The following B3GALT1 variants were observed in gnomAD, a reference collection of about 807,000 sequenced individuals.
B3GALT1 encodes UDP-Gal:betaGlcNAc beta 1,3-galactosyltransferase, polypeptide 1.
Under a neutral mutation model 23.2 loss-of-function variants are expected in B3GALT1, and 10 were observed. That is an observed-to-expected ratio of 0.43 (90% CI 0.27 to 0.73). B3GALT1 has a LOEUF of 0.73. B3GALT1 is among the 30% of genes least tolerant of loss of function. B3GALT1 has a pLI of 0.21. For synonymous variants in B3GALT1, 156 were observed against 141.5 expected, an observed-to-expected ratio of 1.10 and a Z score of -0.73; for missense variants, 299 against 405.4, an observed-to-expected ratio of 0.74 and a Z score of 2.25.
At chr2:167,492,551 A>G (rs1699725014) in intron 2 of B3GALT1, among the ~76,000 whole-genome samples, 1 of 152,208 alleles carries the variant, frequency 6.6e-6, no homozygotes, top group African/African-American at 2.4e-5. Flanking sequence ...AGGAACTGCC[A>G]AACTGTATTT....
At chr2:167,828,893 C>T (rs2105376206) in intron 4 of B3GALT1, among the ~76,000 whole-genome samples, 1 of 152,280 alleles carries the variant, frequency 6.6e-6, no homozygotes, top group Non-Finnish European at 1.5e-5. Flanking sequence ...TGTCCTGTCT[C>T]TAAAATTATC....
chr2:167,766,709 A>T (rs577966043), intron 3 of B3GALT1, among the ~76,000 whole-genome samples: 3 of 152,300 alleles, frequency 2.0e-5, no homozygotes, highest in Non-Finnish European at 4.4e-5. Flanking sequence ...CCCTTGTTTG[A>T]TGAGAGGAAT....
chr2:167,441,594 C>G (rs563932158), intron 1 of B3GALT1, among the ~76,000 whole-genome samples: 2 of 152,164 alleles, frequency 1.3e-5, no homozygotes, highest in Admixed American at 1.3e-4. Flanking sequence ...TGATAGCACT[C>G]TTCCTTAACC....
intron 2 of B3GALT1, among the ~76,000 whole-genome samples, chr2:167,600,790 A>G (rs1472463726): frequency 6.6e-6 from 1 of 152,194 alleles, no homozygotes; most frequent in Non-Finnish European, 1.5e-5. Flanking sequence ...TTGTTGGTTC[A>G]TTCATTAGTT....
chr2:167,514,484 T>C (rs113241840), intron 2 of B3GALT1, among the ~76,000 whole-genome samples: 25 of 152,274 alleles, frequency 1.6e-4, no homozygotes, highest in African/African-American at 5.8e-4. Context: ...CTCCCTTTAA[T>C]GTCCCCCATT....
intron 3 of B3GALT1, among the ~76,000 whole-genome samples, chr2:167,808,203 C>T (rs1426509224): frequency 1.3e-5 from 2 of 150,520 alleles, no homozygotes; most frequent in Non-Finnish European, 3.0e-5. Flanking sequence ...TGTCTCTGCA[C>T]GTGAGATGGG....
At chr2:167,704,015 A>C (rs1686928105) in intron 3 of B3GALT1, among the ~76,000 whole-genome samples, 1 of 151,952 alleles carries the variant, frequency 6.6e-6, no homozygotes. Flanking sequence ...CCCCGTCTCT[A>C]CTAAAAATAC....
intron 2 of B3GALT1, among the ~76,000 whole-genome samples, chr2:167,578,190 A>G (rs576691633): frequency 3.9e-5 from 6 of 151,952 alleles, no homozygotes; most frequent in Non-Finnish European, 8.8e-5. Context: ...TGAGTTCTGG[A>G]AAGGGCCATT....
At position 167,834,682 on chromosome 2, in the gene B3GALT1, C is replaced by T. The variant is rs545772789; in HGVS notation, c.-230+15889C>T. 1.8e-4 allele frequency among the ~76,000 whole-genome samples: 28 copies of T among 152,232 alleles called. No individual in the cohort carries two copies. The South Asian group carries it at 3.5e-3, about 19-fold the overall frequency. ...TGGCCAATATGGCAAAACCCCATCT[C>T]CACTAAAAATACAAAAGTTGGCTGG... On this transcript the variant is annotated intron_variant, in intron 4 of 4. Transcript: ENST00000392690.
intron 1 of B3GALT1, among the ~76,000 whole-genome samples, chr2:167,355,815 C>T (rs571006091): frequency 5.3e-5 from 8 of 152,068 alleles, no homozygotes; most frequent in Non-Finnish European, 7.4e-5. Flanking sequence ...ACCAAATATC[C>T]GTAATGGACA....
chr2:167,360,666 A>G (rs773913739), intron 1 of B3GALT1, among the ~76,000 whole-genome samples: 5 of 152,202 alleles, frequency 3.3e-5, no homozygotes, highest in African/African-American at 1.2e-4. Context: ...CCTGTATACA[A>G]TATGTAATGA....
chr2:167,727,761 G>C (rs750812197), intron 3 of B3GALT1, among the ~76,000 whole-genome samples: 1 of 151,964 alleles, frequency 6.6e-6, no homozygotes, highest in African/African-American at 2.4e-5. Flanking sequence ...TCTTACATTC[G>C]GGGTTGATAT....
At chr2:167,597,264 A>C (rs572295288) in intron 2 of B3GALT1, among the ~76,000 whole-genome samples, 24 of 151,802 alleles carry the variant, frequency 1.6e-4, no homozygotes, top group East Asian at 3.9e-4. Flanking sequence ...TACAGGCGCC[A>C]GCCACCATGC....
Position 167,565,332 on chromosome 2 carries a change from C to T in B3GALT1, c.-410+75055C>T, listed in dbSNP as rs1368458712. ...TAGAAAGCTGAAACTGGATCCCTTC[C>T]TTACACCTTATGCAAAAATCAATTC... On this transcript the variant is annotated intron_variant, in intron 2 of 4. Coordinates refer to ENST00000392690, the MANE Select transcript of B3GALT1 (RefSeq NM_020981.4). Among the ~76,000 whole-genome samples, 4 of 152,188 alleles carry T rather than the reference C, an allele frequency of 2.6e-5. No individual in the cohort carries two copies. The East Asian group carries it at 7.7e-4, about 29-fold the overall frequency.
chr2:167,488,740 T>G (rs1699660906), intron 1 of B3GALT1, among the ~76,000 whole-genome samples: 1 of 152,342 alleles, frequency 6.6e-6, no homozygotes, highest in Admixed American at 6.5e-5. Flanking sequence ...TCCCTCTTGC[T>G]ACATTTCTGT....
intron 3 of B3GALT1, among the ~76,000 whole-genome samples, chr2:167,711,700 C>CA (rs2105518910): frequency 6.6e-6 from 1 of 152,254 alleles, no homozygotes; most frequent in South Asian, 2.1e-4. Flanking sequence ...AGTGGTGACT[C>CA]ATGCATGTAA....
chr2:167,590,033 C>T (rs1246701314), intron 2 of B3GALT1, among the ~76,000 whole-genome samples: 2 of 152,052 alleles, frequency 1.3e-5, no homozygotes, highest in African/African-American at 4.8e-5. Context: ...CTGCTAACCA[C>T]CTTACATCCT....
chr2:167,478,707 T>C (rs4383297), intron 1 of B3GALT1, among the ~76,000 whole-genome samples: 130,941 of 149,286 alleles, frequency 0.88, 57,488 homozygotes, highest in East Asian at 0.99. Context: ...CTAATGCTAT[T>C]CGTCCCTCCT....
At chr2:167,433,581 G>A (rs1324887991) in intron 1 of B3GALT1, among the ~76,000 whole-genome samples, 1 of 152,150 alleles carries the variant, frequency 6.6e-6, no homozygotes, top group Admixed American at 6.5e-5. Flanking sequence ...AGGTTCTGAA[G>A]TTATGGAAGA....
Sources: gnomAD v4.1 joint callset for allele counts (sites outside exome capture counted in the v4.1 genomes callset) on GRCh38, gnomAD v4.1.1 for gene constraint, MANE v1.5 for transcripts, NCBI Gene and HGNC (gene_info 2026-07-23, HGNC 2026-07-21) for gene names.